KIAA1328: variants seen among roughly 807,000 people sequenced by gnomAD.
KIAA1328 encodes the protein protein hinderin.
In KIAA1328, 52 loss-of-function variants were observed where a neutral mutation model predicts 68.1. That is an observed-to-expected ratio of 0.76 (90% CI 0.61 to 0.96). KIAA1328 has a LOEUF of 0.96. Among genes scored for constraint, KIAA1328 ranks in the 40% least tolerant of loss-of-function variants. The pLI is 0.00. For missense variants in KIAA1328, 641 were observed against 677.6 expected, an observed-to-expected ratio of 0.95 and a Z score of 0.60; for synonymous variants, 232 against 239.4, an observed-to-expected ratio of 0.97 and a Z score of 0.28.
chr18:37,218,507 A>G (rs1006111546), intron 9 of KIAA1328, among the ~76,000 whole-genome samples: 1 of 152,222 alleles, frequency 6.6e-6, no homozygotes. Flanking sequence ...AAAAAAAGGA[A>G]AATTTAAAGT....
At chr18:36,851,577 C>T (rs1405797697) in intron 4 of KIAA1328, among the ~76,000 whole-genome samples, 1 of 151,974 alleles carries the variant, frequency 6.6e-6, no homozygotes, top group Non-Finnish European at 1.5e-5. Context: ...TCTAGGTTAT[C>T]TAATTTGTTG....
chr18:36,880,928 T>C (rs2048308192), intron 4 of KIAA1328, among the ~76,000 whole-genome samples: 1 of 152,228 alleles, frequency 6.6e-6, no homozygotes. Context: ...TAAACCCACG[T>C]TAGACATATT....
At chr18:36,972,367 T>C (rs919012557) in intron 6 of KIAA1328, among the ~76,000 whole-genome samples, 7 of 152,226 alleles carry the variant, frequency 4.6e-5, no homozygotes, top group African/African-American at 1.7e-4. Context: ...CAGTGTTTTT[T>C]ATACCTGAAC....
chr18:37,167,299 A>G (rs1408929225), intron 8 of KIAA1328, among the ~76,000 whole-genome samples: 2 of 152,146 alleles, frequency 1.3e-5, no homozygotes, highest in Non-Finnish European at 2.9e-5. Flanking sequence ...AACCAGCTCA[A>G]TTAGACCCTC....
intron 4 of KIAA1328, among the ~76,000 whole-genome samples, chr18:36,856,444 TCTG>T (rs1399273879): frequency 6.6e-6 from 1 of 152,150 alleles, no homozygotes; most frequent in Non-Finnish European, 1.5e-5. Context: ...CCTTCTCACA[TCTG>T]CTGCTGAACT....
At chr18:36,990,425 A>T (rs2053126792) in intron 6 of KIAA1328, among the ~76,000 whole-genome samples, 1 of 152,030 alleles carries the variant, frequency 6.6e-6, no homozygotes, top group African/African-American at 2.4e-5. Flanking sequence ...CTGTAATCCC[A>T]ACACTTTGGG....
At chr18:37,031,741 T>G (rs768035041) in intron 6 of KIAA1328, among the ~76,000 whole-genome samples, 3 of 152,230 alleles carry the variant, frequency 2.0e-5, no homozygotes, top group Non-Finnish European at 4.4e-5. Context: ...TTTTTCAGTT[T>G]CATATTTAGG....
chr18:37,002,628 T>A (rs372621037), intron 6 of KIAA1328, among the ~76,000 whole-genome samples: 45 of 152,052 alleles, frequency 3.0e-4, no homozygotes, highest in African/African-American at 1.0e-3. Flanking sequence ...TAGGAATAAA[T>A]TTAGCCTAGG....
At chr18:37,213,669 T>G (rs1477654753) in intron 9 of KIAA1328, among the ~76,000 whole-genome samples, 1 of 152,212 alleles carries the variant, frequency 6.6e-6, no homozygotes, top group Non-Finnish European at 1.5e-5. Flanking sequence ...TACCCAGTAA[T>G]GGGATCACTG....
At chr18:37,217,646 T>C (rs1169469216) in intron 9 of KIAA1328, among the ~76,000 whole-genome samples, 2 of 152,190 alleles carry the variant, frequency 1.3e-5, no homozygotes, top group African/African-American at 4.8e-5. Context: ...ATTATGTGTC[T>C]TGGGGTTGCT....
chr18:36,903,391 T>G (rs2049105430), intron 5 of KIAA1328, among the ~76,000 whole-genome samples: 1 of 152,142 alleles, frequency 6.6e-6, no homozygotes, highest in African/African-American at 2.4e-5. Context: ...TTCTTGCCAG[T>G]TCAATTGCGA....
intron 6 of KIAA1328, among the ~76,000 whole-genome samples, chr18:37,003,526 T>C (rs2151462362): frequency 6.6e-6 from 1 of 152,192 alleles, no homozygotes; most frequent in South Asian, 2.1e-4. Flanking sequence ...CAAAGGTTTT[T>C]CCCATTTTGT....
intron 6 of KIAA1328, among the ~76,000 whole-genome samples, chr18:37,066,651 T>C (rs1014949967): frequency 2.6e-5 from 4 of 152,344 alleles, no homozygotes; most frequent in Middle Eastern, 3.4e-3. Context: ...TTAAGCAACA[T>C]GTAGCAGCAA....
chr18:36,844,298 G>A lies in KIAA1328; in HGVS notation c.328G>A (p.Ala110Thr), dbSNP rs373756824. 34 of 1,587,098 alleles carry A rather than the reference G, an allele frequency of 2.1e-5. No homozygotes were observed. The African/African-American group carries it at 4.2e-4, about 20-fold the overall frequency. ...CATTGCAAACTTAATTAAAGAACTG[G>A]CCAGGTGAGATAAAACCTTATATGA... ...RRIANLIKEL[A>T]RVSEEKEVTE... The change falls in exon 4 of 10, where the codon GCC becomes ACC. Residue 110 changes from alanine (A) to threonine (T), a missense_variant. By Grantham distance (58) the Ala-to-Thr change is moderately conservative (BLOSUM62 0). Coordinates refer to ENST00000280020, the MANE Select transcript of KIAA1328 (RefSeq NM_020776.3).
chr18:36,906,406 T>C (rs138803053), intron 5 of KIAA1328, among the ~76,000 whole-genome samples: 4 of 152,312 alleles, frequency 2.6e-5, no homozygotes, highest in African/African-American at 9.6e-5. Flanking sequence ...GTATAGTTTT[T>C]GCCTTTTGCA....
At chr18:37,123,961 T>C (rs1164525387) in intron 7 of KIAA1328, among the ~76,000 whole-genome samples, 2 of 152,112 alleles carry the variant, frequency 1.3e-5, no homozygotes, top group Non-Finnish European at 2.9e-5. Flanking sequence ...TGGAAAACCA[T>C]ATAGGTGCCA....
chr18:36,862,574 G>T (rs978462082), intron 4 of KIAA1328, among the ~76,000 whole-genome samples: 2 of 152,102 alleles, frequency 1.3e-5, no homozygotes, highest in African/African-American at 4.8e-5. Context: ...TTCCATGATA[G>T]AGATGTACTG....
chr18:36,858,524 A>G (rs2047453081), intron 4 of KIAA1328, among the ~76,000 whole-genome samples: 1 of 152,204 alleles, frequency 6.6e-6, no homozygotes, highest in Non-Finnish European at 1.5e-5. Context: ...AGTACTGTTA[A>G]TTAGCCTATC....
intron 4 of KIAA1328, among the ~76,000 whole-genome samples, chr18:36,883,969 T>TATATATATATATATATATATATATATAC (rs1032694969): frequency 1.7e-4 from 26 of 148,788 alleles, no homozygotes; most frequent in South Asian, 4.2e-4. Flanking sequence ...TATATATATA[T>TATATATATATATATATATATATATATAC]ACACACACAG....
Sources: allele counts gnomAD v4.1 joint callset (sites outside exome capture counted in the v4.1 genomes callset), GRCh38; gene constraint gnomAD v4.1.1; transcripts MANE v1.5; gene names NCBI Gene and HGNC (gene_info 2026-07-23, HGNC 2026-07-21).